GSK3B: variants seen among roughly 807,000 people sequenced by gnomAD.
The protein encoded by GSK3B is glycogen synthase kinase 3 beta.
Under a neutral mutation model 56.4 loss-of-function variants are expected in GSK3B, and 15 were observed. The observed-to-expected ratio is 0.27, with a 90% CI of 0.18 to 0.41. The LOEUF is 0.41. GSK3B is among the 10% of genes least tolerant of loss of function. The pLI, the probability that GSK3B is intolerant of heterozygous loss-of-function variation, is 1.00. For synonymous variants in GSK3B, 181 were observed against 188.9 expected, an observed-to-expected ratio of 0.96 and a Z score of 0.34; for missense variants, 300 against 513.4, an observed-to-expected ratio of 0.58 and a Z score of 4.02.
intron 3 of GSK3B, among the ~76,000 whole-genome samples, chr3:119,924,281 T>C (rs569904617): frequency 6.6e-5 from 10 of 152,324 alleles, no homozygotes; most frequent in African/African-American, 2.2e-4. Flanking sequence ...GTGGCCAGTA[T>C]CAGGTAAATT....
At chr3:119,998,268 T>C (rs1262361535) in intron 2 of GSK3B, among the ~76,000 whole-genome samples, 1 of 152,214 alleles carries the variant, frequency 6.6e-6, no homozygotes, top group Non-Finnish European at 1.5e-5. Flanking sequence ...TGTCTTGGGC[T>C]TACTGTTTTT....
chr3:119,962,825 G>C (rs2057284907), intron 2 of GSK3B, among the ~76,000 whole-genome samples: 1 of 152,226 alleles, frequency 6.6e-6, no homozygotes, highest in Non-Finnish European at 1.5e-5. Flanking sequence ...GGATGAAACT[G>C]TTCTACCTCA....
chr3:120,016,287 C>T, intron 1 of GSK3B, among the ~76,000 whole-genome samples: 1 of 152,076 alleles, frequency 6.6e-6, no homozygotes, highest in Non-Finnish European at 1.5e-5. Context: ...TAATAAGCAC[C>T]TCAAATGCTT....
chr3:119,885,511 C>T (rs1353986964), intron 7 of GSK3B, among the ~76,000 whole-genome samples: 6 of 152,008 alleles, frequency 3.9e-5, no homozygotes, highest in African/African-American at 1.2e-4. Context: ...CTATTCCTAT[C>T]GAACTACCAA....
At chr3:120,010,756 C>CTACA in intron 1 of GSK3B, among the ~76,000 whole-genome samples, 1 of 151,726 alleles carries the variant, frequency 6.6e-6, no homozygotes, top group East Asian at 1.9e-4. Flanking sequence ...GACCCTGTCT[C>CTACA]TAAATAAATA....
intron 7 of GSK3B, 28 bp from the exon 8 acceptor site, chr3:119,876,536 T>C (rs202229925): frequency 2.5e-6 from 3 of 1,206,124 alleles, no homozygotes; most frequent in Non-Finnish European, 3.7e-6. Context: ...TATTGCCATC[T>C]TTTCCTATAT....
intron 1 of GSK3B, among the ~76,000 whole-genome samples, chr3:120,088,747 G>A (rs1371243680): frequency 6.6e-6 from 1 of 152,234 alleles, no homozygotes; most frequent in Non-Finnish European, 1.5e-5. Context: ...GGTTGGTCCT[G>A]TTAGTACCAA....
intron 7 of GSK3B, among the ~76,000 whole-genome samples, chr3:119,902,073 T>A (rs755973432): frequency 2.6e-5 from 4 of 152,106 alleles, no homozygotes; most frequent in Non-Finnish European, 4.4e-5. Flanking sequence ...TTAAAAAACG[T>A]GAGAACTGAA....
At chr3:119,915,374 G>T (rs2056770709) in intron 5 of GSK3B, among the ~76,000 whole-genome samples, 1 of 151,886 alleles carries the variant, frequency 6.6e-6, no homozygotes, top group Non-Finnish European at 1.5e-5. Context: ...TACTGAAAAA[G>T]GAGTATATAT....
chr3:119,915,765 T>C (rs1458206807), intron 5 of GSK3B, among the ~76,000 whole-genome samples: 1 of 152,158 alleles, frequency 6.6e-6, no homozygotes, highest in Non-Finnish European at 1.5e-5. Flanking sequence ...TGGATGCTTA[T>C]AAACAATGCT....
intron 3 of GSK3B, among the ~76,000 whole-genome samples, chr3:119,944,900 T>TTCACAGACATTTAGGTTCCTTTCTA (rs2057085193): frequency 6.6e-6 from 1 of 152,190 alleles, no homozygotes; most frequent in East Asian, 1.9e-4. Context: ...TTGCAAGAAT[T>TTCACAGACATTTAGGTTCCTTTCTA]TCACAGACAT....
intron 2 of GSK3B, among the ~76,000 whole-genome samples, chr3:119,985,600 T>A (rs2057508193): frequency 6.6e-6 from 1 of 152,032 alleles, no homozygotes. Context: ...ACAAAGAGAA[T>A]TAAATACCTA....
chr3:120,086,767 G>T (rs368379113), intron 1 of GSK3B, among the ~76,000 whole-genome samples: 169 of 151,598 alleles, frequency 1.1e-3, no homozygotes, highest in African/African-American at 4.0e-3. Context: ...TGCACTCCAG[G>T]CTAGGCATAG....
At chr3:119,894,043 A>G (rs2056534121) in intron 7 of GSK3B, among the ~76,000 whole-genome samples, 1 of 151,976 alleles carries the variant, frequency 6.6e-6, no homozygotes, top group Non-Finnish European at 1.5e-5. Flanking sequence ...CATCATTCTC[A>G]TTTCCCCCAG....
At chr3:119,868,695 A>T (rs149492730) in intron 8 of GSK3B, among the ~76,000 whole-genome samples, 65 of 152,330 alleles carry the variant, frequency 4.3e-4, no homozygotes, top group Admixed American at 2.0e-3. Context: ...AACAAGAGCC[A>T]TGTCTGTTCC....
chr3:119,938,223 T>A (rs775482581), intron 3 of GSK3B, among the ~76,000 whole-genome samples: 28 of 152,096 alleles, frequency 1.8e-4, no homozygotes, highest in Non-Finnish European at 3.5e-4. Flanking sequence ...ATAATCTTTC[T>A]AAGACTCTTC....
intron 5 of GSK3B, among the ~76,000 whole-genome samples, chr3:119,914,522 T>G (rs1420046163): frequency 6.6e-6 from 1 of 152,104 alleles, no homozygotes; most frequent in African/African-American, 2.4e-5. Flanking sequence ...AGACACCCCA[T>G]TAACAATAAA....
intron 8 of GSK3B, among the ~76,000 whole-genome samples, chr3:119,872,127 C>T (rs9813864): frequency 0.47 from 70,974 of 151,872 alleles, 19,832 homozygotes; most frequent in Non-Finnish European, 0.61. Context: ...TTAAAAATCC[C>T]TAATCAACCC....
chr3:119,876,321 G>T, intron 8 of GSK3B, 92 bp downstream of exon 8: 1 of 724,270 alleles, frequency 1.4e-6, no homozygotes. Context: ...TTGTATTCAT[G>T]CAACTATCTG....
Sources: gnomAD v4.1 joint callset for allele counts (sites outside exome capture counted in the v4.1 genomes callset) on GRCh38, gnomAD v4.1.1 for gene constraint, MANE v1.5 for transcripts, NCBI Gene and HGNC (gene_info 2026-07-23, HGNC 2026-07-21) for gene names.